The following LPAR3 variants were observed in gnomAD, a reference collection of about 807,000 sequenced individuals.
LPAR3 encodes lysophosphatidic acid receptor 3.
A neutral mutation model predicts 17.8 loss-of-function variants in LPAR3; 7 were observed. The ratio of observed to expected loss-of-function variants is 0.39; its 90% CI spans 0.22 to 0.74. LPAR3 has a LOEUF of 0.74. Among genes scored for constraint, LPAR3 ranks in the 30% least tolerant of loss-of-function variants. LPAR3 has a pLI of 0.40. For synonymous variants in LPAR3, 179 were observed against 179.9 expected (o/e 0.99, Z 0.04); for missense variants, 391 against 453.4 (o/e 0.86, Z 1.25).
At chr1:84,869,382 G>A (rs1325210493) in intron 1 of LPAR3, among the ~76,000 whole-genome samples, 5 of 152,058 alleles carry the variant, frequency 3.3e-5, no homozygotes, top group Non-Finnish European at 7.4e-5. Flanking sequence ...ACTGTACCCT[G>A]GTTCCAGATC....
At chr1:84,864,249 A>G (rs964823122) in intron 2 of LPAR3, among the ~76,000 whole-genome samples, 2 of 151,916 alleles carry the variant, frequency 1.3e-5, no homozygotes, top group Non-Finnish European at 2.9e-5. Flanking sequence ...ACAGAATCTG[A>G]CCATCACCTT....
chr1:84,879,316 C>CTTTTTTCTTTTTTTTT (rs1553149965), intron 1 of LPAR3, among the ~76,000 whole-genome samples: 34 of 120,598 alleles, frequency 2.8e-4, no homozygotes, highest in African/African-American at 8.0e-4. Flanking sequence ...TTTCTTTTTT[C>CTTTTTTCTTTTTTTTT]TTTTTTTTTT....
intron 2 of LPAR3, among the ~76,000 whole-genome samples, chr1:84,839,177 G>C (rs947203169): frequency 1.3e-5 from 2 of 152,192 alleles, no homozygotes; most frequent in Non-Finnish European, 2.9e-5. Flanking sequence ...TAGAAACCAA[G>C]TGAATGATCT....
At position 84,813,950 on chromosome 1, in the gene LPAR3, G is replaced by C; in HGVS notation, c.958C>G (p.Pro320Ala). Reference sequence around the variant, plus strand: ...AGGACTGTGGAGGGGATGCGAGAGGGACGCCTCTCTGGGTTCTCCTGAGAG... The same window carrying C: ...AGGACTGTGGAGGGGATGCGAGAGGCACGCCTCTCTGGGTTCTCCTGAGAG... ...CFSQENPERR[P>A]SRIPSTVLSR... The change falls in exon 3 of 3, where the codon CCC (proline) becomes GCC (alanine). Residue 320 changes from proline to alanine, a missense_variant. Pro to Ala is a conservative substitution (Grantham distance 27). Transcript: ENST00000370611. 1 of 1,614,088 alleles carries C rather than the reference G, an allele frequency of 6.2e-7. No individual in the cohort carries two copies. Among genetic ancestry groups the C allele is most frequent in the Admixed American group, 1.7e-5 (1 of 60,018 alleles).
chr1:84,865,999 C>T lies in LPAR3; in HGVS notation c.122G>A (p.Cys41Tyr). ...AGAATTAGAAAAAAAAATAAACAGG[C>T]AGAAAAACGTCCCAACACACAAAAC... ...VIVLCVGTFF[C>Y]LFIFFSNSLV... The change falls in exon 2 of 3, where the codon TGC becomes TAC. Residue 41 changes from cysteine to tyrosine, a missense_variant. Cys to Tyr is a radical substitution (Grantham distance 194). Coordinates refer to ENST00000370611, the MANE Select transcript of LPAR3 (RefSeq NM_012152.3). 6.2e-7 allele frequency: 1 copy of T among 1,614,082 alleles called. No individual in the cohort carries two copies. Among genetic ancestry groups the T allele is most frequent in the Non-Finnish European group, 8.5e-7 (1 of 1,180,018 alleles).
intron 2 of LPAR3, among the ~76,000 whole-genome samples, chr1:84,826,439 T>C (rs1250294105): frequency 2.0e-5 from 3 of 152,028 alleles, no homozygotes; most frequent in African/African-American, 7.2e-5. Flanking sequence ...TAATCTTAAA[T>C]TTAGTAAACC....
At chr1:84,867,627 A>G (rs1660077613) in intron 1 of LPAR3, among the ~76,000 whole-genome samples, 1 of 152,130 alleles carries the variant, frequency 6.6e-6, no homozygotes, top group African/African-American at 2.4e-5. Flanking sequence ...AATGGGAGGT[A>G]AATATCATTT....
chr1:84,873,639 C>T (rs972648845), intron 1 of LPAR3, among the ~76,000 whole-genome samples: 2 of 152,130 alleles, frequency 1.3e-5, no homozygotes, highest in Non-Finnish European at 2.9e-5. Flanking sequence ...AATTCGGTTT[C>T]TGTATCTTCA....
rs533193360 is a variant in LPAR3, at chr1:84,844,045, G to A, written c.736+21340C>T. Among the ~76,000 whole-genome samples, 19 of 152,278 alleles carry A rather than the reference G, an allele frequency of 1.2e-4. No individual in the cohort carries two copies. The South Asian group carries it at 3.9e-3, about 32-fold the overall frequency. On this transcript the variant is annotated intron_variant, in intron 2 of 2. Coordinates refer to ENST00000370611, the MANE Select transcript of LPAR3 (RefSeq NM_012152.3). The stretch of plus-strand genomic sequence containing the variant: ...ATTCTGTTCTAATTTATTTGTTGAT[G>A]GATCACCTGCACTAGAATGTAAGCT...
At chr1:84,875,835 C>G (rs1003097948) in intron 1 of LPAR3, among the ~76,000 whole-genome samples, 1 of 152,138 alleles carries the variant, frequency 6.6e-6, no homozygotes, top group Non-Finnish European at 1.5e-5. Flanking sequence ...CTCCTGTCTC[C>G]TATCTTGAGA....
chr1:84,881,619 A>G (rs1010486169), intron 1 of LPAR3, among the ~76,000 whole-genome samples: 2 of 152,178 alleles, frequency 1.3e-5, no homozygotes, highest in African/African-American at 4.8e-5. Flanking sequence ...ACACTAAAAT[A>G]ACTACAGTCC....
At chr1:84,868,879 T>C (rs1362353904) in intron 1 of LPAR3, among the ~76,000 whole-genome samples, 1 of 152,200 alleles carries the variant, frequency 6.6e-6, no homozygotes, top group Non-Finnish European at 1.5e-5. Flanking sequence ...ATTTTTATTA[T>C]TGCAACAGGA....
At chr1:84,886,499 C>T (rs1483047188) in intron 1 of LPAR3, among the ~76,000 whole-genome samples, 1 of 152,052 alleles carries the variant, frequency 6.6e-6, no homozygotes, top group Non-Finnish European at 1.5e-5. Context: ...GCACTCCAGC[C>T]TGTAGTACAG....
chr1:84,865,253 G>T, intron 2 of LPAR3, 132 bp downstream of exon 2: 1 of 913,534 alleles, frequency 1.1e-6, no homozygotes, highest in Non-Finnish European at 1.6e-6. Flanking sequence ...CTCCAGGTGG[G>T]TGGCGATTTA....
intron 1 of LPAR3, among the ~76,000 whole-genome samples, chr1:84,873,710 G>T (rs887145490): frequency 7.9e-5 from 12 of 151,434 alleles, no homozygotes; most frequent in Admixed American, 2.0e-4. Context: ...TTTGGGTTTG[G>T]TTACTCTGCT....
chr1:84,844,534 C>T (rs1659562626), intron 2 of LPAR3, among the ~76,000 whole-genome samples: 2 of 151,942 alleles, frequency 1.3e-5, no homozygotes, highest in Non-Finnish European at 2.9e-5. Context: ...AAAAATAGAC[C>T]CAGGAATGCT....
chr1:84,857,878 G>A (rs775688304), intron 2 of LPAR3, among the ~76,000 whole-genome samples: 2 of 152,158 alleles, frequency 1.3e-5, no homozygotes, highest in African/African-American at 2.4e-5. Flanking sequence ...GGGTTGTCAT[G>A]AATGCTAAAT....
rs1319610872 is a variant in LPAR3 at position 84,813,138 on chromosome 1, T to TATATATATAC, written c.*707_*708insGTATATATAT. The TATATATATAC allele has an allele frequency of 8.9e-6, 1 of 112,494 alleles. No homozygotes were observed. The highest frequency in any genetic ancestry group is 1.8e-5 in the Non-Finnish European group (1 of 55,294). 7.0% of individuals were successfully genotyped at this position (112,494 alleles called of 1,614,324 possible). ...CAGTAAAAACAGGAATATATATATA[T>TATATATATAC]ATATATATATATATATATATAGACA... On this transcript the variant is annotated 3_prime_UTR_variant, in exon 3 of 3. Transcript: ENST00000370611.
chr1:84,816,613 C>A (rs535321961), intron 2 of LPAR3, among the ~76,000 whole-genome samples: 35 of 152,168 alleles, frequency 2.3e-4, no homozygotes, highest in African/African-American at 8.2e-4. Flanking sequence ...GCCTGGCCAA[C>A]ATGGTGAAAC....
Sources: allele counts gnomAD v4.1 joint callset (sites outside exome capture counted in the v4.1 genomes callset), GRCh38; gene constraint gnomAD v4.1.1; transcripts MANE v1.5; gene names NCBI Gene and HGNC (gene_info 2026-07-23, HGNC 2026-07-21).